Variants in AFG1L observed in about 807,000 individuals in gnomAD.
AFG1L encodes AFG1 like ATPase, also known as AFG1-like ATPase.
Under a neutral mutation model 62.2 loss-of-function variants are expected in AFG1L, and 53 were observed. That is an observed-to-expected ratio of 0.85 (90% confidence interval 0.68 to 1.07). The LOEUF (loss-of-function observed/expected upper bound fraction) is 1.07. AFG1L is among the 50% of genes least tolerant of loss of function. AFG1L has a pLI of 0.00. For synonymous variants in AFG1L, 228 were observed against 210.3 expected, an observed-to-expected ratio of 1.08 and a Z score of -0.73; for missense variants, 555 against 590.5, an observed-to-expected ratio of 0.94 and a Z score of 0.62.
chr6:108,313,620 G>T (rs1451809776), intron 1 of AFG1L, among the ~76,000 whole-genome samples: 2 of 152,062 alleles, frequency 1.3e-5, no homozygotes, highest in Admixed American at 6.6e-5. Context: ...GCTCACTGCA[G>T]CCTTAACCTT....
intron 2 of AFG1L, among the ~76,000 whole-genome samples, chr6:108,342,839 A>G (rs970619015): frequency 6.6e-6 from 1 of 152,172 alleles, no homozygotes; most frequent in Non-Finnish European, 1.5e-5. Flanking sequence ...CCCGTCTTAT[A>G]CAGTATTCAT....
intron 8 of AFG1L, among the ~76,000 whole-genome samples, chr6:108,474,967 C>T (rs931087526): frequency 6.6e-5 from 10 of 152,254 alleles, no homozygotes; most frequent in African/African-American, 2.4e-4. Flanking sequence ...TTTGCCCATG[C>T]CTATGTCCTG....
At chr6:108,404,309 T>A (rs1016262722) in intron 7 of AFG1L, among the ~76,000 whole-genome samples, 1 of 152,166 alleles carries the variant, frequency 6.6e-6, no homozygotes, top group Non-Finnish European at 1.5e-5. Flanking sequence ...TATTGTAAAA[T>A]TCATTTTAAA....
At chr6:108,454,195 T>A (rs978684238) in intron 8 of AFG1L, among the ~76,000 whole-genome samples, 25 of 152,220 alleles carry the variant, frequency 1.6e-4, no homozygotes, top group African/African-American at 6.0e-4. Context: ...TCATTTCTAC[T>A]TCTCACACTA....
In AFG1L at chr6:108,516,783, C is replaced by T. The variant is rs549360377; in HGVS notation, c.1204-2914C>T. 2.4e-3 allele frequency among the ~76,000 whole-genome samples: 364 copies of T among 152,116 alleles called. 2 individuals carry two copies. The highest frequency in any genetic ancestry group is 6.2e-3 in the South Asian group (30 of 4,820). On this transcript the variant is annotated intron_variant, in intron 11 of 12. Coordinates refer to ENST00000368977, the MANE Select transcript of AFG1L (RefSeq NM_145315.5). ...GTCTCAGCCCAAAATCTCCTTAAGC[C>T]GATAAGCAACTTCAGCAAAGTCTCA... is the stretch of plus-strand genomic sequence containing the variant.
intron 2 of AFG1L, among the ~76,000 whole-genome samples, chr6:108,325,949 G>T (rs1778026710): frequency 6.6e-6 from 1 of 151,918 alleles, no homozygotes; most frequent in Non-Finnish European, 1.5e-5. Context: ...GCTAATTTTT[G>T]TATTTTTAGT....
At chr6:108,346,524 C>T (rs114758495) in intron 2 of AFG1L, among the ~76,000 whole-genome samples, 1 of 152,090 alleles carries the variant, frequency 6.6e-6, no homozygotes, top group Non-Finnish European at 1.5e-5. Context: ...TGCCACCATG[C>T]CTGGCTAATT....
At chr6:108,475,049 T>C (rs764501932) in intron 8 of AFG1L, among the ~76,000 whole-genome samples, 3 of 152,226 alleles carry the variant, frequency 2.0e-5, no homozygotes, top group Non-Finnish European at 4.4e-5. Flanking sequence ...TTAATCCATC[T>C]TGAGTTAATT....
chr6:108,318,911 C>A (rs1777707434), intron 1 of AFG1L, among the ~76,000 whole-genome samples: 1 of 152,196 alleles, frequency 6.6e-6, no homozygotes, highest in Admixed American at 6.5e-5. Flanking sequence ...TAATTTAATG[C>A]AGCTTTTGAG....
At position 108,515,975 on chromosome 6, in the gene AFG1L, C is replaced by T. The variant is rs143526719; in HGVS notation, c.1204-3722C>T. On this transcript the variant is annotated intron_variant, in intron 11 of 12. Coordinates refer to ENST00000368977, the MANE Select transcript of AFG1L (RefSeq NM_145315.5). Reference sequence around the variant, plus strand: ...GGAAGAAGTTGAATCTCTGAATAGACCAATAACAGGCTCTGAAATTGAGGC... The same window carrying T: ...GGAAGAAGTTGAATCTCTGAATAGATCAATAACAGGCTCTGAAATTGAGGC... 8.7e-3 allele frequency among the ~76,000 whole-genome samples: 1,318 copies of T among 151,008 alleles called. 28 individuals carry two copies. Among genetic ancestry groups the T allele is most frequent in the African/African-American group, 0.03 (1,223 of 41,040 alleles).
At chr6:108,522,148 A>G (rs1008683688) in intron 12 of AFG1L, 149 bp from the exon 13 acceptor site, 1 of 584,978 alleles carries the variant, frequency 1.7e-6, no homozygotes, top group East Asian at 3.0e-5. Context: ...CTCTAGTCTC[A>G]TTTAAGAGAT....
intron 11 of AFG1L, among the ~76,000 whole-genome samples, chr6:108,510,984 G>C (rs1320097534): frequency 6.6e-6 from 1 of 151,984 alleles, no homozygotes; most frequent in Admixed American, 6.6e-5. Flanking sequence ...GGCTAAGGTG[G>C]GAGGATTGCT....
chr6:108,374,098 T>G (rs972217422), intron 6 of AFG1L, among the ~76,000 whole-genome samples: 1 of 150,660 alleles, frequency 6.6e-6, no homozygotes, highest in Non-Finnish European at 1.5e-5. Context: ...GTGATGTGGA[T>G]TTTTTTTTAT....
intron 6 of AFG1L, among the ~76,000 whole-genome samples, chr6:108,382,541 A>G (rs1380308556): frequency 6.6e-6 from 1 of 152,208 alleles, no homozygotes; most frequent in Non-Finnish European, 1.5e-5. Context: ...TACAATGTTC[A>G]TCACCTTAAA....
chr6:108,499,655 G>C (rs1268157243), intron 10 of AFG1L, among the ~76,000 whole-genome samples: 4 of 151,564 alleles, frequency 2.6e-5, no homozygotes, highest in African/African-American at 9.7e-5. Flanking sequence ...AGGAGCTAAG[G>C]TGGGAGGATC....
chr6:108,399,178 GTTTTTTTTT>G (rs57304886), intron 6 of AFG1L, among the ~76,000 whole-genome samples: 5 of 62,226 alleles, frequency 8.0e-5, no homozygotes, highest in African/African-American at 3.4e-4. Flanking sequence ...TCTTTTGTTT[GTTTTTTTTT>G]TTTTTTTTTT....
intron 1 of AFG1L, among the ~76,000 whole-genome samples, chr6:108,316,722 CG>C (rs1437257669): frequency 1.4e-4 from 21 of 151,848 alleles, no homozygotes; most frequent in African/African-American, 4.8e-4. Context: ...TTAGTAGAGA[CG>C]GGGTTTCACC....
intron 7 of AFG1L, among the ~76,000 whole-genome samples, chr6:108,429,171 C>G (rs1318600802): frequency 6.6e-6 from 1 of 152,096 alleles, no homozygotes; most frequent in Non-Finnish European, 1.5e-5. Flanking sequence ...ATAGTGTGTC[C>G]TTTCCCCAAC....
In AFG1L at chr6:108,439,851, AAAGT is replaced by A. The variant is rs139835743; in HGVS notation, c.808-7359_808-7356del. On this transcript the variant is annotated intron_variant, in intron 7 of 12. Coordinates refer to ENST00000368977, the MANE Select transcript of AFG1L (RefSeq NM_145315.5). ...TTAGAATGTATAGCTGCCTCAAAAT[AAAGT>A]AAGACAGTCTCCACTCAGTCTCCCA... Among the ~76,000 whole-genome samples, 278 of 152,344 alleles carry A rather than the reference AAAGT, an allele frequency of 1.8e-3. 3 individuals carry two copies. In the East Asian group the frequency reaches 0.042, roughly 23 times the overall value.
Sources: gnomAD v4.1 joint callset for allele counts (sites outside exome capture counted in the v4.1 genomes callset) on GRCh38, gnomAD v4.1.1 for gene constraint, MANE v1.5 for transcripts, NCBI Gene and HGNC (gene_info 2026-07-23, HGNC 2026-07-21) for gene names.